Variants in CDH4 observed in about 807,000 individuals in gnomAD.
CDH4 encodes the protein cadherin 4, also known as cadherin-4.
A neutral mutation model predicts 86.0 loss-of-function variants in CDH4; 33 were observed. That is an observed-to-expected ratio of 0.38 (90% CI 0.29 to 0.51). CDH4 has a LOEUF of 0.51. CDH4 is among the 20% of genes least tolerant of loss of function. The pLI, the probability that CDH4 is intolerant of heterozygous loss-of-function variation, is 0.86. For missense variants in CDH4, 1,114 were observed against 1,307.4 expected (o/e 0.85, Z 2.28); for synonymous variants, 555 against 549.4 (o/e 1.01, Z -0.14).
At chr20:61,407,253 T>C (rs1004173129) in intron 2 of CDH4, among the ~76,000 whole-genome samples, 5 of 152,236 alleles carry the variant, frequency 3.3e-5, no homozygotes, top group Non-Finnish European at 7.3e-5. Context: ...CGTATGTGGC[T>C]GGGTTCTTTC....
chr20:61,912,858 A>G (rs1225824358), intron 9 of CDH4, among the ~76,000 whole-genome samples: 1 of 152,216 alleles, frequency 6.6e-6, no homozygotes, highest in Non-Finnish European at 1.5e-5. Flanking sequence ...CTCTGGGCGC[A>G]TTTGACCTCA....
chr20:61,440,818 G>C (rs1263037930), intron 2 of CDH4, among the ~76,000 whole-genome samples: 2 of 152,194 alleles, frequency 1.3e-5, no homozygotes, highest in African/African-American at 4.8e-5. Context: ...TCTGAGACAG[G>C]CACAGCATGG....
intron 2 of CDH4, among the ~76,000 whole-genome samples, chr20:61,333,790 C>T (rs1266243598): frequency 2.0e-5 from 3 of 152,238 alleles, no homozygotes; most frequent in African/African-American, 7.2e-5. Context: ...AACCCCTGGG[C>T]TGTCTGGGAG....
In CDH4 at chr20:61,565,331, A is replaced by ATGG. The variant is rs1232866064; in HGVS notation, c.170-178227_170-178225dup. 6.7e-4 allele frequency among the ~76,000 whole-genome samples: 11 copies of ATGG among 16,532 alleles called. 2 individuals are homozygous for ATGG. Among genetic ancestry groups the ATGG allele is most frequent in the Non-Finnish European group, 1.0e-3 (10 of 10,026 alleles). The allele number at this position is 16,532 out of a possible 152,430, so 10.8% of individuals were successfully genotyped here. On this transcript the variant is annotated intron_variant, in intron 2 of 15. Transcript: ENST00000614565. ...CTTGGTGGTGGCGGTGCTCTTGGTG[A>ATGG]TGGTGGTAGTGGTCCTCTTGGTGAT...
chr20:61,779,177 T>C (rs1262906856), intron 4 of CDH4, among the ~76,000 whole-genome samples: 1 of 152,244 alleles, frequency 6.6e-6, no homozygotes, highest in East Asian at 1.9e-4. Context: ...CTGAGTCTAA[T>C]ACCAATGCAC....
chr20:61,733,952 T>C (rs1006344780), intron 2 of CDH4, among the ~76,000 whole-genome samples: 3 of 152,256 alleles, frequency 2.0e-5, no homozygotes, highest in African/African-American at 7.2e-5. Flanking sequence ...CCCGTAAATG[T>C]CAGCAGGCTC....
chr20:61,861,367 A>G (rs571571034), intron 6 of CDH4, among the ~76,000 whole-genome samples: 68 of 152,346 alleles, frequency 4.5e-4, no homozygotes, highest in African/African-American at 1.6e-3. Context: ...CGACAGCCCC[A>G]GGAAACGGCT....
At chr20:61,303,670 G>A (rs1302493343) in intron 2 of CDH4, among the ~76,000 whole-genome samples, 2 of 152,210 alleles carry the variant, frequency 1.3e-5, no homozygotes, top group East Asian at 3.8e-4. Flanking sequence ...CACCTCCAGC[G>A]CCATTGCTTA....
intron 2 of CDH4, among the ~76,000 whole-genome samples, chr20:61,586,469 G>A (rs1382470228): frequency 6.6e-6 from 1 of 152,174 alleles, no homozygotes; most frequent in Admixed American, 6.5e-5. Context: ...TGTTTCTGTG[G>A]CCTCCAGCCA....
chr20:61,614,094 C>G (rs1326676201), intron 2 of CDH4, among the ~76,000 whole-genome samples: 1 of 152,024 alleles, frequency 6.6e-6, no homozygotes, highest in African/African-American at 2.4e-5. Context: ...GTTCCTGGCT[C>G]GGCTCCCAGA....
intron 2 of CDH4, among the ~76,000 whole-genome samples, chr20:61,569,948 A>G (rs1270583304): frequency 6.6e-6 from 1 of 152,236 alleles, no homozygotes; most frequent in Non-Finnish European, 1.5e-5. Context: ...TTCGAAAAGT[A>G]CAAGGCCGGT....
intron 2 of CDH4, among the ~76,000 whole-genome samples, chr20:61,511,178 G>A (rs1296419122): frequency 2.6e-5 from 4 of 152,244 alleles, no homozygotes; most frequent in Non-Finnish European, 1.5e-5. Flanking sequence ...GAATATACCA[G>A]CAGGGCGGGA....
intron 2 of CDH4, among the ~76,000 whole-genome samples, chr20:61,343,633 A>G (rs572407635): frequency 4.6e-5 from 7 of 152,322 alleles, no homozygotes; most frequent in African/African-American, 1.7e-4. Context: ...AAATGACCCC[A>G]GGGTCTCAGT....
In CDH4 at chr20:61,457,704, G is replaced by C. The variant is rs149506304; in HGVS notation, c.169+202767G>C. On this transcript the variant is annotated intron_variant, in intron 2 of 15. Coordinates refer to ENST00000614565, the MANE Select transcript of CDH4 (RefSeq NM_001794.5). The stretch of plus-strand genomic sequence containing the variant: ...CTGGTGGTGGTGTTGGGATGGTGAT[G>C]GTTATGATGGTGATGGCAGTGCTGA... Among the ~76,000 whole-genome samples the C allele has an allele frequency of 7.0e-3, 1,063 of 151,950 alleles. 9 individuals are homozygous for C. The highest frequency in any genetic ancestry group is 7.8e-3 in the Non-Finnish European group (533 of 67,922).
At chr20:61,633,331 A>G (rs989021008) in intron 2 of CDH4, among the ~76,000 whole-genome samples, 4 of 151,682 alleles carry the variant, frequency 2.6e-5, no homozygotes, top group Non-Finnish European at 5.9e-5. Context: ...CCATTCATCT[A>G]TCCATCTCTT....
At chr20:61,291,059 C>G (rs2084317948) in intron 2 of CDH4, among the ~76,000 whole-genome samples, 1 of 152,188 alleles carries the variant, frequency 6.6e-6, no homozygotes, top group Admixed American at 6.5e-5. Context: ...CCCCCAACCC[C>G]TGTCTCACAC....
chr20:61,752,019 A>G (rs1223545864), intron 3 of CDH4, among the ~76,000 whole-genome samples: 2 of 152,234 alleles, frequency 1.3e-5, no homozygotes, highest in East Asian at 3.8e-4. Context: ...GGAAAGAATG[A>G]TCACTGGACT....
intron 2 of CDH4, among the ~76,000 whole-genome samples, chr20:61,559,584 G>A (rs557360415): frequency 1.4e-5 from 2 of 143,520 alleles, no homozygotes; most frequent in East Asian, 2.1e-4. Context: ...GAGTGCAATG[G>A]TGTGATCTCG....
intron 6 of CDH4, 140 bp downstream of exon 6, chr20:61,853,038 G>A (rs1982809217): frequency 1.2e-6 from 1 of 865,414 alleles, no homozygotes; most frequent in Non-Finnish European, 1.8e-6. Flanking sequence ...ACAGCATGCA[G>A]CAGACGTCCA....
Sources: gnomAD v4.1 joint callset for allele counts (sites outside exome capture counted in the v4.1 genomes callset) on GRCh38, gnomAD v4.1.1 for gene constraint, MANE v1.5 for transcripts, NCBI Gene and HGNC (gene_info 2026-07-23, HGNC 2026-07-21) for gene names.